SETDB1: variants seen among roughly 807,000 people sequenced by gnomAD.
SETDB1 encodes the protein histone-lysine N-methyltransferase SETDB1.
Under a neutral mutation model 137.4 loss-of-function variants are expected in SETDB1, and 31 were observed. The ratio of observed to expected loss-of-function variants is 0.23; its 90% CI spans 0.17 to 0.30. The LOEUF (loss-of-function observed/expected upper bound fraction) is 0.30. SETDB1 is among the 10% of genes least tolerant of loss of function. The pLI is 1.00. For missense variants in SETDB1, 1,113 were observed against 1,631.5 expected (o/e 0.68, Z 5.47); for synonymous variants, 548 against 579.9 (o/e 0.95, Z 0.79).
At chr1:150,933,504 G>A (rs1037369508) in intron 3 of SETDB1, among the ~76,000 whole-genome samples, 3 of 151,424 alleles carry the variant, frequency 2.0e-5, no homozygotes, top group African/African-American at 7.3e-5. Context: ...AGCTTCCTGA[G>A]TAGCTGGGAC....
intron 14 of SETDB1, among the ~76,000 whole-genome samples, chr1:150,958,276 G>C (rs1670714833): frequency 8.7e-6 from 1 of 115,250 alleles, no homozygotes; most frequent in Admixed American, 1.2e-4. Flanking sequence ...TTTTGTGACA[G>C]AGTCTCACCC....
chr1:150,943,501 C>T (rs79582625), intron 7 of SETDB1, among the ~76,000 whole-genome samples: 10,923 of 152,110 alleles, frequency 0.072, 1,341 homozygotes, highest in African/African-American at 0.25. Flanking sequence ...ACTGGTGAAA[C>T]CCTGTCTCTA....
At chr1:150,955,123 A>G (rs771680358) in intron 14 of SETDB1, among the ~76,000 whole-genome samples, 1 of 152,226 alleles carries the variant, frequency 6.6e-6, no homozygotes, top group South Asian at 2.1e-4. Context: ...AAACAAAGGA[A>G]TAGACAGTTG....
intron 5 of SETDB1, among the ~76,000 whole-genome samples, chr1:150,941,751 G>A (rs978529594): frequency 1.9e-4 from 29 of 152,038 alleles, no homozygotes; most frequent in Admixed American, 1.9e-3. Flanking sequence ...TAGCAGCTTT[G>A]GGAGGCTGAG....
intron 14 of SETDB1, among the ~76,000 whole-genome samples, chr1:150,956,811 C>CT (rs1558024692): frequency 1.3e-5 from 2 of 150,642 alleles, no homozygotes; most frequent in African/African-American, 2.4e-5. Flanking sequence ...GGGAAATAAT[C>CT]TTTTTTAAAG....
At chr1:150,962,813 T>C (rs930174854) in intron 18 of SETDB1, 94 bp downstream of exon 18, 9 of 1,480,256 alleles carry the variant, frequency 6.1e-6, no homozygotes, top group Admixed American at 5.5e-5. Flanking sequence ...TTAGGTCTTC[T>C]CCTACTTCTT....
chr1:150,944,014 C>A, intron 8 of SETDB1, 21 bp downstream of exon 8: 1 of 1,543,718 alleles, frequency 6.5e-7, no homozygotes, highest in Non-Finnish European at 9.0e-7. Context: ...CTCCCTTATT[C>A]CTTAGCTCAG....
At chr1:150,940,018 A>G in intron 4 of SETDB1, 44 bp downstream of exon 4, 1 of 1,522,474 alleles carries the variant, frequency 6.6e-7, no homozygotes, top group Non-Finnish European at 9.1e-7. Flanking sequence ...AAGAATATGA[A>G]AATAGGAGAA....
At chr1:150,960,201 C>T (rs1023955392) in intron 15 of SETDB1, among the ~76,000 whole-genome samples, 8 of 150,890 alleles carry the variant, frequency 5.3e-5, no homozygotes, top group Non-Finnish European at 7.4e-5. Context: ...TGGCCGGGTG[C>T]GGTGGCTAAC....
chr1:150,934,072 C>T (rs1422261525), intron 3 of SETDB1, among the ~76,000 whole-genome samples: 1 of 152,052 alleles, frequency 6.6e-6, no homozygotes, highest in African/African-American at 2.4e-5. Context: ...AGTGAGCCAC[C>T]ACACCCGGCC....
chr1:150,931,279 AAAG>A (rs1268400562), intron 3 of SETDB1, among the ~76,000 whole-genome samples: 18 of 143,372 alleles, frequency 1.3e-4, no homozygotes, highest in South Asian at 4.3e-4. Flanking sequence ...AAAAAAAAAA[AAAG>A]GGTTTCCAGA....
intron 15 of SETDB1, 118 bp from the exon 16 acceptor site, chr1:150,960,445 C>G: frequency 1.1e-6 from 1 of 908,816 alleles, no homozygotes; most frequent in Admixed American, 2.5e-5. Context: ...CCACTGCACT[C>G]CAGCCTGGGT....
chr1:150,935,262 G>A (rs1029778883), intron 3 of SETDB1, among the ~76,000 whole-genome samples: 4 of 152,200 alleles, frequency 2.6e-5, no homozygotes, highest in Non-Finnish European at 5.9e-5. Flanking sequence ...AGTCAGTTTT[G>A]TCTTGCTGGT....
At chr1:150,927,609 A>G (rs1050414612) in intron 1 of SETDB1, 95 bp from the exon 2 acceptor site, 2 of 1,054,454 alleles carry the variant, frequency 1.9e-6, no homozygotes, top group Non-Finnish European at 2.8e-6. Context: ...AACAGGCAGC[A>G]GAGTAGGAAT....
chr1:150,958,254 C>CTTTTTTTTTTTTTTTTTTTTTTTT (rs374122454), intron 14 of SETDB1, among the ~76,000 whole-genome samples: 1 of 94,070 alleles, frequency 1.1e-5, no homozygotes, highest in Non-Finnish European at 2.0e-5. Context: ...TTTCTTTTTT[C>CTTTTTTTTTTTTTTTTTTTTTTTT]TTTTTTTTTT....
intron 2 of SETDB1, among the ~76,000 whole-genome samples, chr1:150,928,891 A>G (rs999575032): frequency 4.2e-4 from 64 of 152,248 alleles, no homozygotes; most frequent in South Asian, 1.5e-3. Flanking sequence ...GATGGTTTCC[A>G]GCTTCATCCA....
intron 8 of SETDB1, among the ~76,000 whole-genome samples, chr1:150,944,205 G>A (rs1033910612): frequency 6.6e-6 from 1 of 152,202 alleles, no homozygotes; most frequent in Non-Finnish European, 1.5e-5. Context: ...TGTAGACAAA[G>A]AGTGAGACAC....
At chr1:150,933,368 C>CTTTTCTTTT (rs1669826675) in intron 3 of SETDB1, among the ~76,000 whole-genome samples, 1 of 118,888 alleles carries the variant, frequency 8.4e-6, no homozygotes. Context: ...CCTATTTTGT[C>CTTTTCTTTT]TTTTTTTTTT....
In SETDB1 at chr1:150,963,606, A is replaced by G. The variant is rs769428152; in HGVS notation, c.3537A>G (p.Lys1179=). The change falls in exon 20 of 22, where the codon AAA becomes AAG. Residue 1179 remains lysine (K), a synonymous_variant. Coordinates refer to ENST00000692827, the MANE Select transcript of SETDB1 (RefSeq NM_001366418.1). ...ALKSTHGIAI[K]STNMASVDKG... ...AATCAACCCATGGGATTGCAATTAA[A>G]TCAACCAACATGGCCTCTGTGGACA... 1.2e-6 allele frequency: 2 copies of G among 1,614,194 alleles called. No individual in the cohort carries two copies. Among genetic ancestry groups the G allele is most frequent in the Admixed American group, 1.7e-5 (1 of 60,014 alleles).
Sources: gnomAD v4.1 joint callset for allele counts (sites outside exome capture counted in the v4.1 genomes callset) on GRCh38, gnomAD v4.1.1 for gene constraint, MANE v1.5 for transcripts, NCBI Gene and HGNC (gene_info 2026-07-23, HGNC 2026-07-21) for gene names.